The following ROBO2 variants were observed in gnomAD, a reference collection of about 807,000 sequenced individuals.
ROBO2 encodes roundabout homolog 2.
ROBO2 carries 53 observed loss-of-function variants against 160.8 expected under a neutral mutation model. The ratio of observed to expected loss-of-function variants is 0.33; its 90% CI spans 0.26 to 0.41. The LOEUF (loss-of-function observed/expected upper bound fraction) is 0.41, where lower values mean the gene tolerates loss of function less well. Ranked by LOEUF, ROBO2 falls within the 10% of genes least tolerant of loss-of-function variation. ROBO2 has a pLI of 1.00. For missense variants in ROBO2, 1,577 were observed against 1,722.4 expected, an observed-to-expected ratio of 0.92 and a Z score of 1.49; for synonymous variants, 664 against 611.7, an observed-to-expected ratio of 1.09 and a Z score of -1.26.
chr3:77,123,025 T>C (rs899664660), intron 2 of ROBO2, among the ~76,000 whole-genome samples: 5 of 152,042 alleles, frequency 3.3e-5, no homozygotes, highest in African/African-American at 9.7e-5. Flanking sequence ...AGGAGAAGAA[T>C]GGAGAGGAAT....
In ROBO2 at chr3:77,145,676, T is replaced by G. The variant is rs554419449; in HGVS notation, c.388+47336T>G. On this transcript the variant is annotated intron_variant, in intron 2 of 25. Transcript: ENST00000461745. ...TTGCCTCCATCACACATCGACTGAA[T>G]GAGATAATCGATGGAAAGACTTGAA... 2.6e-5 allele frequency among the ~76,000 whole-genome samples: 4 copies of G among 152,224 alleles called. No homozygotes were observed. In the South Asian group the frequency reaches 8.3e-4, roughly 32 times the overall value.
chr3:76,227,786 C>T (rs1412195215), intron 2 of ROBO2, among the ~76,000 whole-genome samples: 2 of 152,168 alleles, frequency 1.3e-5, no homozygotes, highest in African/African-American at 4.8e-5. Flanking sequence ...TCTGCTTTAA[C>T]ACATCCGCTG....
At chr3:77,011,223 T>C (rs1179587984) in intron 2 of ROBO2, among the ~76,000 whole-genome samples, 1 of 151,686 alleles carries the variant, frequency 6.6e-6, no homozygotes, top group Admixed American at 6.6e-5. Context: ...ATACAGAAAG[T>C]AAGCCCAATG....
chr3:76,817,747 T>G (rs183851381), intron 2 of ROBO2, among the ~76,000 whole-genome samples: 51 of 152,128 alleles, frequency 3.4e-4, no homozygotes, highest in African/African-American at 1.1e-3. Flanking sequence ...CATACGACAT[T>G]TGGTTTTCCA....
chr3:77,150,998 T>C (rs1424097928), intron 2 of ROBO2, among the ~76,000 whole-genome samples: 1 of 152,146 alleles, frequency 6.6e-6, no homozygotes, highest in East Asian at 1.9e-4. Context: ...AGTTTTATAG[T>C]ATAGGGTTTA....
At chr3:76,498,831 G>A (rs1276044488) in intron 2 of ROBO2, among the ~76,000 whole-genome samples, 2 of 151,916 alleles carry the variant, frequency 1.3e-5, no homozygotes, top group African/African-American at 4.8e-5. Context: ...TGGGATTACA[G>A]GAACCCACCA....
chr3:76,994,473 G>T (rs2060874446), intron 2 of ROBO2, among the ~76,000 whole-genome samples: 1 of 152,132 alleles, frequency 6.6e-6, no homozygotes, highest in Non-Finnish European at 1.5e-5. Flanking sequence ...TGAAATGATT[G>T]CAATGAGCAA....
chr3:76,396,479 T>C (rs2077456010), intron 2 of ROBO2, among the ~76,000 whole-genome samples: 1 of 151,996 alleles, frequency 6.6e-6, no homozygotes, highest in Non-Finnish European at 1.5e-5. Flanking sequence ...TCAGGGCAAT[T>C]AGGCAGGAGA....
intron 2 of ROBO2, among the ~76,000 whole-genome samples, chr3:77,108,059 C>T (rs997816541): frequency 1.3e-5 from 2 of 151,344 alleles, no homozygotes; most frequent in African/African-American, 4.9e-5. Flanking sequence ...TTGATATAAA[C>T]CATTTTATAT....
rs552219168 is a variant in ROBO2 at position 76,257,242 on chromosome 3, A to G, written c.109+319640A>G. Among the ~76,000 whole-genome samples, 12 of 152,274 alleles carry G rather than the reference A, an allele frequency of 7.9e-5. No individual in the cohort carries two copies. The East Asian group carries it at 2.3e-3, about 29-fold the overall frequency. On this transcript the variant is annotated intron_variant, in intron 2 of 26. Transcript: ENST00000487694. ...ACCAAAATATGCAATTGATCAGAAT[A>G]CCTTTAATTCCTTCTTAAATCAAAG...
intron 2 of ROBO2, among the ~76,000 whole-genome samples, chr3:76,197,986 C>T (rs1702340780): frequency 6.6e-6 from 1 of 152,168 alleles, no homozygotes; most frequent in South Asian, 2.1e-4. Flanking sequence ...GAAATTCCCA[C>T]CAACTCTTAA....
Position 76,202,276 on chromosome 3 carries a change from A to G in ROBO2, c.109+264674A>G, listed in dbSNP as rs146100147. On this transcript the variant is annotated intron_variant, in intron 2 of 26. Coordinates refer to the ROBO2 transcript ENST00000487694. ...AGAGAAAAAGAGAGGAGAGAGCAAT[A>G]TAATGCCTAGACTTGTAGGTATTTT... Among the ~76,000 whole-genome samples, 14 of 152,330 alleles carry G rather than the reference A, an allele frequency of 9.2e-5. No homozygotes were observed. In the East Asian group the frequency reaches 2.7e-3, roughly 29 times the overall value.
At chr3:76,549,921 G>A (rs573862670) in intron 2 of ROBO2, among the ~76,000 whole-genome samples, 1 of 152,160 alleles carries the variant, frequency 6.6e-6, no homozygotes, top group Non-Finnish European at 1.5e-5. Flanking sequence ...TTACTGTAAA[G>A]ATGATTTGCC....
intron 2 of ROBO2, among the ~76,000 whole-genome samples, chr3:76,249,904 TTAAA>T (rs1371348371): frequency 2.0e-5 from 3 of 152,066 alleles, no homozygotes; most frequent in Non-Finnish European, 2.9e-5. Flanking sequence ...AATCACTGAG[TTAAA>T]TAATGTCAAA....
intron 2 of ROBO2, among the ~76,000 whole-genome samples, chr3:77,214,433 T>C (rs1378443725): frequency 6.6e-6 from 1 of 152,186 alleles, no homozygotes; most frequent in East Asian, 1.9e-4. Context: ...ATTTGCTTGG[T>C]GGATCTTCCT....
intron 2 of ROBO2, among the ~76,000 whole-genome samples, chr3:76,694,756 T>C (rs953424862): frequency 6.6e-6 from 1 of 152,318 alleles, no homozygotes; most frequent in Non-Finnish European, 1.5e-5. Context: ...GAGGAAATTA[T>C]GTTTTCCTTC....
intron 2 of ROBO2, among the ~76,000 whole-genome samples, chr3:76,686,461 T>C (rs971358235): frequency 6.7e-6 from 1 of 148,660 alleles, no homozygotes; most frequent in African/African-American, 2.6e-5. Flanking sequence ...TTCCTGCTCA[T>C]GGTTCCTGCT....
chr3:76,070,717 C>T (rs2068425632), intron 2 of ROBO2, among the ~76,000 whole-genome samples: 1 of 151,982 alleles, frequency 6.6e-6, no homozygotes, highest in Non-Finnish European at 1.5e-5. Flanking sequence ...CATCATGGAA[C>T]CTACTGACAT....
intron 2 of ROBO2, among the ~76,000 whole-genome samples, chr3:77,023,074 T>C (rs1008342722): frequency 6.6e-6 from 1 of 152,116 alleles, no homozygotes; most frequent in Non-Finnish European, 1.5e-5. Context: ...AATCTCAACT[T>C]GAAATGTGTC....
Sources: gnomAD v4.1 joint callset for allele counts (sites outside exome capture counted in the v4.1 genomes callset) on GRCh38, gnomAD v4.1.1 for gene constraint, MANE v1.5 for transcripts, NCBI Gene and HGNC (gene_info 2026-07-23, HGNC 2026-07-21) for gene names.